UNC5D: variants seen among roughly 807,000 people sequenced by gnomAD.
The protein encoded by UNC5D is unc-5 netrin receptor D, also known as netrin receptor UNC5D.
UNC5D carries 39 observed loss-of-function variants against 105.4 expected under a neutral mutation model. The observed-to-expected ratio is 0.37, with a 90% CI of 0.29 to 0.48. The LOEUF (loss-of-function observed/expected upper bound fraction) is 0.48. Ranked by LOEUF, UNC5D falls within the 20% of genes least tolerant of loss-of-function variation. UNC5D has a pLI of 0.98. For synonymous variants in UNC5D, 452 were observed against 450.4 expected (o/e 1.00, Z -0.04); for missense variants, 991 against 1,202.4 (o/e 0.82, Z 2.60).
At chr8:35,594,214 G>T (rs1819352652) in intron 3 of UNC5D, among the ~76,000 whole-genome samples, 1 of 152,188 alleles carries the variant, frequency 6.6e-6, no homozygotes, top group Admixed American at 6.5e-5. Flanking sequence ...ATGTAGCACT[G>T]CTACTAACAA....
chr8:35,293,569 A>G (rs894482037), intron 1 of UNC5D, among the ~76,000 whole-genome samples: 4 of 152,116 alleles, frequency 2.6e-5, no homozygotes, highest in Non-Finnish European at 5.9e-5. Flanking sequence ...CAAGGATCAT[A>G]TCTTGAAACC....
intron 1 of UNC5D, among the ~76,000 whole-genome samples, chr8:35,337,475 A>G (rs1585617040): frequency 1.3e-5 from 2 of 152,338 alleles, no homozygotes; most frequent in South Asian, 2.1e-4. Flanking sequence ...CATTGATGCT[A>G]TTCAGTGGAT....
chr8:35,545,279 C>A (rs180787931), intron 1 of UNC5D, among the ~76,000 whole-genome samples: 1 of 152,182 alleles, frequency 6.6e-6, no homozygotes, highest in Admixed American at 6.5e-5. Flanking sequence ...AATTTATAAG[C>A]CCCTTAAAAG....
intron 7 of UNC5D, among the ~76,000 whole-genome samples, chr8:35,690,910 C>G (rs1449796922): frequency 6.6e-6 from 1 of 152,188 alleles, no homozygotes; most frequent in Non-Finnish European, 1.5e-5. Flanking sequence ...CAACATGACC[C>G]TAAAGCAATT....
intron 1 of UNC5D, among the ~76,000 whole-genome samples, chr8:35,377,237 C>G (rs1471476751): frequency 3.9e-5 from 6 of 152,134 alleles, no homozygotes; most frequent in African/African-American, 9.7e-5. Flanking sequence ...ATGCAGTGGT[C>G]CTTTCACCTG....
chr8:35,568,341 T>C, intron 3 of UNC5D, 100 bp downstream of exon 3: 1 of 1,448,920 alleles, frequency 6.9e-7, no homozygotes. Flanking sequence ...CTACAGAATG[T>C]AAATGAGAGG....
chr8:35,473,531 G>A (rs924994101), intron 1 of UNC5D, among the ~76,000 whole-genome samples: 2 of 152,058 alleles, frequency 1.3e-5, no homozygotes, highest in African/African-American at 4.8e-5. Context: ...TATTTTTTAT[G>A]TTGAAAGAAT....
chr8:35,300,184 A>G (rs1328592473), intron 1 of UNC5D, among the ~76,000 whole-genome samples: 1 of 152,072 alleles, frequency 6.6e-6, no homozygotes, highest in Non-Finnish European at 1.5e-5. Flanking sequence ...ATGGTGGCTC[A>G]CGCCTGTAAT....
intron 13 of UNC5D, among the ~76,000 whole-genome samples, chr8:35,757,001 T>A (rs1025100210): frequency 6.6e-6 from 1 of 152,180 alleles, no homozygotes; most frequent in Admixed American, 6.5e-5. Context: ...TTCTTGTTTG[T>A]TTCTGCTTGT....
intron 4 of UNC5D, among the ~76,000 whole-genome samples, chr8:35,598,265 C>A (rs1241534701): frequency 6.6e-6 from 1 of 152,138 alleles, no homozygotes; most frequent in Non-Finnish European, 1.5e-5. Flanking sequence ...ATTTACTTTG[C>A]TTATTTCTCT....
At chr8:35,677,821 A>T (rs1274414246) in intron 4 of UNC5D, among the ~76,000 whole-genome samples, 1 of 151,856 alleles carries the variant, frequency 6.6e-6, no homozygotes, top group Non-Finnish European at 1.5e-5. Flanking sequence ...TATATGTAAA[A>T]AGTTATTTGA....
Position 35,581,774 on chromosome 8 carries a change from G to GA in UNC5D, c.466+13543dup, listed in dbSNP as rs200682198. 8.2e-3 allele frequency among the ~76,000 whole-genome samples: 1,219 copies of GA among 148,740 alleles called. 8 individuals are homozygous for GA. The highest frequency in any genetic ancestry group is 0.012 in the African/African-American group (467 of 40,588). ...ATAATTAAAAACAAAAAAATTAAAA[G>GA]AAAAAAAAAATCATTGCTGTAAATT... is the stretch of plus-strand genomic sequence containing the variant. On this transcript the variant is annotated intron_variant, in intron 3 of 16. Coordinates refer to ENST00000404895, the MANE Select transcript of UNC5D (RefSeq NM_080872.4).
At chr8:35,543,338 T>C (rs1309303846) in intron 1 of UNC5D, among the ~76,000 whole-genome samples, 1 of 152,224 alleles carries the variant, frequency 6.6e-6, no homozygotes, top group Non-Finnish European at 1.5e-5. Context: ...TCAAAATCTC[T>C]TGATGCTCAA....
intron 3 of UNC5D, among the ~76,000 whole-genome samples, chr8:35,593,027 C>T (rs1819266981): frequency 6.7e-6 from 1 of 148,436 alleles, no homozygotes; most frequent in Admixed American, 6.7e-5. Flanking sequence ...TTCCTAGGTC[C>T]CACTGTCAGT....
At chr8:35,487,930 A>T (rs1438510902) in intron 1 of UNC5D, among the ~76,000 whole-genome samples, 2 of 152,194 alleles carry the variant, frequency 1.3e-5, no homozygotes, top group Non-Finnish European at 2.9e-5. Flanking sequence ...GGAAGGTACA[A>T]TTTATGAGTG....
chr8:35,343,393 T>C (rs1428965245), intron 1 of UNC5D, among the ~76,000 whole-genome samples: 2 of 152,122 alleles, frequency 1.3e-5, no homozygotes, highest in Admixed American at 1.3e-4. Flanking sequence ...ATAATAAATA[T>C]CTTGTAAAAA....
At chr8:35,320,363 C>T (rs896437444) in intron 1 of UNC5D, among the ~76,000 whole-genome samples, 1 of 151,922 alleles carries the variant, frequency 6.6e-6, no homozygotes, top group Admixed American at 6.6e-5. Flanking sequence ...TTTAATCATG[C>T]AGATGAAGGC....
At chr8:35,655,986 T>G (rs1823708340) in intron 4 of UNC5D, among the ~76,000 whole-genome samples, 1 of 152,210 alleles carries the variant, frequency 6.6e-6, no homozygotes, top group Non-Finnish European at 1.5e-5. Flanking sequence ...ACTATTAATA[T>G]TAAATCTTTC....
chr8:35,367,896 C>T (rs2128922964), intron 1 of UNC5D, among the ~76,000 whole-genome samples: 1 of 152,238 alleles, frequency 6.6e-6, no homozygotes, highest in South Asian at 2.1e-4. Context: ...GCCCTTTGCT[C>T]CTTGCTATCT....
Sources: allele counts gnomAD v4.1 joint callset (sites outside exome capture counted in the v4.1 genomes callset), GRCh38; gene constraint gnomAD v4.1.1; transcripts MANE v1.5; gene names NCBI Gene and HGNC (gene_info 2026-07-23, HGNC 2026-07-21).